The following WNK3 variants were observed in gnomAD, a reference collection of about 807,000 sequenced individuals.
WNK3 encodes the protein WNK lysine deficient protein kinase 3.
In WNK3, 18 loss-of-function variants were observed where a neutral mutation model predicts 116.7. That is an observed-to-expected ratio of 0.15 (90% CI 0.11 to 0.23). The LOEUF is 0.23. WNK3 is among the 10% of genes least tolerant of loss of function. The pLI is 1.00. For missense variants in WNK3, 993 were observed against 1,323.8 expected (o/e 0.75, Z 3.88); for synonymous variants, 404 against 469.4 (o/e 0.86, Z 1.80).
At chrX:54,306,353 A>C (rs2068825124) in intron 5 of WNK3, among the ~76,000 whole-genome samples, 1 of 111,833 alleles carries the variant, frequency 8.9e-6, no homozygotes, top group Admixed American at 9.6e-5. Flanking sequence ...GCCTATGTTC[A>C]CTGCATCACT....
chrX:54,334,089 C>A (rs1557174937), intron 1 of WNK3, among the ~76,000 whole-genome samples: 3 of 110,479 alleles, frequency 2.7e-5, no homozygotes, highest in Non-Finnish European at 5.7e-5. Flanking sequence ...AAATGAGTAC[C>A]CAAACCCTGA....
At chrX:54,337,641 A>T (rs1557175678) in intron 1 of WNK3, among the ~76,000 whole-genome samples, 1 of 109,130 alleles carries the variant, frequency 9.2e-6, no homozygotes, top group African/African-American at 3.3e-5. Flanking sequence ...CTGCAATCCC[A>T]GGTACTCAGG....
chrX:54,316,751 A>G (rs2068962433), intron 2 of WNK3, among the ~76,000 whole-genome samples: 1 of 110,316 alleles, frequency 9.1e-6, no homozygotes, highest in Non-Finnish European at 1.9e-5. Flanking sequence ...CTTCACACCC[A>G]TTAGGATGGC....
Position 54,193,640 on chromosome X carries a change from G to C in WNK3, c.*4684C>G, listed in dbSNP as rs782070633. 4.5e-5 allele frequency: 5 copies of C among 111,063 alleles called. No homozygotes were observed. The South Asian group carries it at 1.9e-3, about 42-fold the overall frequency. The allele number at this position is 111,063 out of a possible 1,213,427, so 9.2% of individuals were successfully genotyped here. A position where few individuals can be genotyped will look rare whatever the true frequency, so the allele number is the denominator to read the frequency against. ...TCCCAGGCTCCTTCATATATTGGCT[G>C]TCAGGGTTCCTGACCAATGTTTGTG... On this transcript the variant is annotated 3_prime_UTR_variant, in exon 24 of 24. Coordinates refer to ENST00000354646, the Ensembl canonical transcript of WNK3.
chrX:54,232,085 GTC>G (rs782241368), intron 21 of WNK3, among the ~76,000 whole-genome samples: 14 of 103,833 alleles, frequency 1.3e-4, no homozygotes, highest in African/African-American at 4.4e-4. Context: ...GTGTGTGTGT[GTC>G]TGTGTATATG....
chrX:54,341,360 T>G (rs1159171273), intron 1 of WNK3, among the ~76,000 whole-genome samples: 9 of 108,996 alleles, frequency 8.3e-5, no homozygotes, highest in African/African-American at 3.0e-4. Context: ...TGGCGCCACT[T>G]CACTCCAACC....
intron 2 of WNK3, among the ~76,000 whole-genome samples, chrX:54,317,835 T>C (rs902169876): frequency 1.8e-5 from 2 of 108,207 alleles, no homozygotes; most frequent in East Asian, 3.0e-4. Flanking sequence ...GGTTTCACCA[T>C]GTTAGCCAGG....
chrX:54,301,686 G>T, intron 6 of WNK3, 85 bp downstream of exon 6: 3 of 799,171 alleles, frequency 3.8e-6, no homozygotes, highest in South Asian at 4.7e-5. Flanking sequence ...AACTCAGCAT[G>T]ACTGAAAGGT....
intron 22 of WNK3, among the ~76,000 whole-genome samples, chrX:54,217,563 A>G (rs906615817): frequency 3.7e-5 from 4 of 109,047 alleles, no homozygotes; most frequent in Non-Finnish European, 7.6e-5. Flanking sequence ...CGGAGGTTGC[A>G]GTGAGCCGAG....
chrX:54,307,759 C>CA (rs1297388775), intron 5 of WNK3, among the ~76,000 whole-genome samples, 163 bp downstream of exon 5: 1 of 111,309 alleles, frequency 9.0e-6, no homozygotes, highest in African/African-American at 3.3e-5. Flanking sequence ...TCCAATGAAG[C>CA]ATAGTCATAT....
At chrX:54,198,622 G>A (rs1557140907) in exon 24 of WNK3, 1 of 1,205,136 alleles carries the variant, frequency 8.3e-7, no homozygotes, top group East Asian at 3.0e-5. Flanking sequence ...AGAAATCCAT[G>A]TTGATGTGTA....
chrX:54,336,151 TGGTGGCAG>T (rs1363508464), intron 1 of WNK3, among the ~76,000 whole-genome samples: 1 of 110,988 alleles, frequency 9.0e-6, no homozygotes, highest in East Asian at 2.8e-4. Context: ...TAACCAGGCA[TGGTGGCAG>T]GTGCCTGTAG....
chrX:54,259,103 T>C (rs1478226117), intron 11 of WNK3, among the ~76,000 whole-genome samples, 171 bp downstream of exon 11: 1 of 97,071 alleles, frequency 1.0e-5, no homozygotes, highest in Non-Finnish European at 2.0e-5. Context: ...ATATGATCCC[T>C]ACTGACATAA....
intron 10 of WNK3, among the ~76,000 whole-genome samples, chrX:54,266,654 C>G (rs1557157782): frequency 9.0e-6 from 1 of 110,705 alleles, no homozygotes; most frequent in Admixed American, 9.7e-5. Context: ...ACTCCCACTT[C>G]AGCCTCCTGA....
In WNK3 at chrX:54,209,511, T is replaced by G. The variant is rs782714216; in HGVS notation, c.4871-7318A>C. Among the ~76,000 whole-genome samples the G allele has an allele frequency of 3.8e-5, 4 of 105,050 alleles. No homozygotes were observed. In the East Asian group the frequency reaches 1.2e-3, roughly 32 times the overall value. 91.2% of individuals were successfully genotyped at this position (105,050 alleles called of 115,157 possible). A position where few individuals can be genotyped will look rare whatever the true frequency, so the allele number is the denominator to read the frequency against. On this transcript the variant is annotated intron_variant, in intron 22 of 23. Transcript: ENST00000354646. ...GTTTCCAACAAAACATGTATAATTG[T>G]GGGCAGGGAAGGATATATACGTGTT... is the stretch of plus-strand genomic sequence containing the variant.
intron 22 of WNK3, among the ~76,000 whole-genome samples, chrX:54,225,175 C>T (rs2067820457): frequency 9.2e-6 from 1 of 108,243 alleles, no homozygotes; most frequent in Non-Finnish European, 1.9e-5. Context: ...TGAGTGAGAC[C>T]AGGAGGTTGA....
rs1557173870 is a variant in WNK3 at position 54,329,137 on chromosome X, T to C, written c.537+4000A>G. Among the ~76,000 whole-genome samples, 4 of 112,032 alleles carry C rather than the reference T, an allele frequency of 3.6e-5. No homozygotes were observed. In the South Asian group the frequency reaches 1.1e-3, roughly 31 times the overall value. On this transcript the variant is annotated intron_variant, in intron 2 of 23. Coordinates refer to ENST00000354646, the Ensembl canonical transcript of WNK3. The stretch of plus-strand genomic sequence containing the variant: ...GGGTTTGGTCCCATATTTCAAGTGC[T>C]TCCCAAACTCTACTTAACTGTGCAT...
intron 12 of WNK3, among the ~76,000 whole-genome samples, chrX:54,255,150 T>C (rs2068177211): frequency 9.0e-6 from 1 of 110,932 alleles, no homozygotes. Flanking sequence ...TGGCTAATTT[T>C]TGTATTTTTA....
intron 10 of WNK3, among the ~76,000 whole-genome samples, chrX:54,272,602 C>T (rs1048525522): frequency 4.5e-5 from 5 of 111,813 alleles, no homozygotes; most frequent in African/African-American, 1.6e-4. Flanking sequence ...ACAGTAGGCC[C>T]ATGGATATTT....
Sources: allele counts gnomAD v4.1 joint callset (sites outside exome capture counted in the v4.1 genomes callset), GRCh38; gene constraint gnomAD v4.1.1; transcripts MANE v1.5; gene names NCBI Gene and HGNC (gene_info 2026-07-23, HGNC 2026-07-21).